The following C8orf88 variants were observed in gnomAD, a reference collection of about 807,000 sequenced individuals.
The protein encoded by C8orf88 is chromosome 8 open reading frame 88.
C8orf88 carries 14 observed loss-of-function variants against 18.4 expected under a neutral mutation model. The observed-to-expected ratio is 0.76, with a 90% CI of 0.50 to 1.19. C8orf88 has a LOEUF of 1.19. C8orf88 is among the 50% of genes most tolerant of loss of function. The probability of loss-of-function intolerance (pLI) is 0.00; values close to 1 mark genes in which losing one functional copy is unlikely to be tolerated. For missense variants in C8orf88, 116 were observed against 134.7 expected (o/e 0.86, Z 0.69); for synonymous variants, 45 against 42.9 (o/e 1.05, Z -0.19).
intron 4 of C8orf88, among the ~76,000 whole-genome samples, chr8:90,964,135 T>C (rs1811163456): frequency 6.6e-6 from 1 of 151,644 alleles, no homozygotes; most frequent in African/African-American, 2.4e-5. Context: ...CAACATATTA[T>C]ATTTTCAACT....
intron 1 of C8orf88, 51 bp downstream of exon 1, chr8:90,985,063 C>G (rs1288351173): frequency 6.6e-6 from 1 of 152,256 alleles, no homozygotes; most frequent in African/African-American, 2.4e-5. Context: ...CTCCACACCA[C>G]GGGGCCCGAC....
At chr8:90,960,331 T>C (rs1343979817) in intron 5 of C8orf88, among the ~76,000 whole-genome samples, 1 of 151,460 alleles carries the variant, frequency 6.6e-6, no homozygotes, top group African/African-American at 2.4e-5. Flanking sequence ...CATGCATACA[T>C]TGCCACAAAG....
At chr8:90,960,891 G>T (rs1317163868) in intron 4 of C8orf88, 43 bp from the exon 5 acceptor site, 3 of 1,162,688 alleles carry the variant, frequency 2.6e-6, no homozygotes, top group Non-Finnish European at 3.7e-6. Flanking sequence ...GAAATGTAGG[G>T]CTGTCTAGAT....
rs186430660 is a variant in C8orf88 at position 90,975,653 on chromosome 8, C to A, written c.147+2926G>T. 4.6e-5 allele frequency among the ~76,000 whole-genome samples: 7 copies of A among 152,074 alleles called. No individual in the cohort carries two copies. The East Asian group carries it at 1.4e-3, about 29-fold the overall frequency. Reference sequence around the variant, plus strand: ...AAAAGATTGACCATTCTAATGTTGGCAAGGCTGTGAAGCATCTGGAGCTCC... The same window carrying A: ...AAAAGATTGACCATTCTAATGTTGGAAAGGCTGTGAAGCATCTGGAGCTCC... On this transcript the variant is annotated intron_variant, in intron 3 of 5. Coordinates refer to ENST00000517562, the MANE Select transcript of C8orf88 (RefSeq NM_001190972.2).
intron 4 of C8orf88, among the ~76,000 whole-genome samples, chr8:90,964,429 TC>T (rs1811166924): frequency 6.6e-6 from 1 of 151,676 alleles, no homozygotes; most frequent in Non-Finnish European, 1.5e-5. Context: ...AAAAGCTCCT[TC>T]AAAAATGAAG....
rs190524375 is a variant in C8orf88 at position 90,965,135 on chromosome 8, C to T, written c.224-4287G>A. Among the ~76,000 whole-genome samples, 357 of 151,654 alleles carry T rather than the reference C, an allele frequency of 2.4e-3. 2 individuals are homozygous for T. The highest frequency in any genetic ancestry group is 0.01 in the Middle Eastern group (3 of 288). On this transcript the variant is annotated intron_variant, in intron 4 of 5. Transcript: ENST00000517562. ...CTAATTATATTCTGTCTACAAGAGA[C>T]TCATTTTGGATCCAATGACAAAAAT...
chr8:90,985,220 T>C lies in C8orf88; in HGVS notation c.-133A>G, dbSNP rs1811489726. The C allele has an allele frequency of 6.9e-6, 1 of 144,116 alleles. No individual in the cohort carries two copies. The highest frequency in any genetic ancestry group is 1.5e-5 in the Non-Finnish European group (1 of 66,018). 8.9% of individuals were successfully genotyped at this position (144,116 alleles called of 1,614,324 possible). A position where few individuals can be genotyped will look rare whatever the true frequency, so the allele number is the denominator to read the frequency against. On this transcript the variant is annotated 5_prime_UTR_variant, in exon 1 of 6. Coordinates refer to ENST00000517562, the MANE Select transcript of C8orf88 (RefSeq NM_001190972.2). ...GTCGGGGAACGGCTCCTGCCGCTGG[T>C]CCGCTGGCTGACCGCGGTGGCGGCG...
intron 5 of C8orf88, among the ~76,000 whole-genome samples, chr8:90,959,746 G>A (rs6987301): frequency 0.1 from 15,108 of 151,246 alleles, 2,078 homozygotes; most frequent in African/African-American, 0.31. Flanking sequence ...GAAGGTAGTA[G>A]TGTTTATCTC....
chr8:90,983,488 A>G (rs74371715), intron 1 of C8orf88, among the ~76,000 whole-genome samples: 1,958 of 152,290 alleles, frequency 0.013, 21 homozygotes, highest in Non-Finnish European at 0.02. Context: ...AATTTACCTA[A>G]GTATGAATCT....
intron 4 of C8orf88, among the ~76,000 whole-genome samples, chr8:90,965,487 A>C (rs1811180970): frequency 6.6e-6 from 1 of 151,730 alleles, no homozygotes; most frequent in Non-Finnish European, 1.5e-5. Flanking sequence ...ACAGAATATG[A>C]ACACCACAAC....
At position 90,982,227 on chromosome 8, in the gene C8orf88, GA is replaced by G. The variant is rs563679826; in HGVS notation, c.-26-1767del. On this transcript the variant is annotated intron_variant, in intron 1 of 5. Coordinates refer to ENST00000517562, the MANE Select transcript of C8orf88 (RefSeq NM_001190972.2). Reference sequence around the variant, plus strand: ...GCAATACAATTGGATATAACAAGATGAAAAAAAAGTTATAAGCACAAATAGA... The same window carrying G: ...GCAATACAATTGGATATAACAAGATGAAAAAAAGTTATAAGCACAAATAGA... 1.2e-3 allele frequency among the ~76,000 whole-genome samples: 177 copies of G among 151,450 alleles called. 1 individual carries two copies. Among genetic ancestry groups the G allele is most frequent in the Non-Finnish European group, 1.2e-3 (80 of 67,776 alleles).
intron 1 of C8orf88, among the ~76,000 whole-genome samples, chr8:90,982,203 C>T (rs1166260723): frequency 4.0e-5 from 6 of 151,258 alleles, no homozygotes; most frequent in South Asian, 4.2e-4. Context: ...ACTTTTTGTG[C>T]AATACAATTG....
At chr8:90,974,394 A>T (rs1586164159) in intron 3 of C8orf88, among the ~76,000 whole-genome samples, 1 of 152,240 alleles carries the variant, frequency 6.6e-6, no homozygotes, top group East Asian at 1.9e-4. Flanking sequence ...GTACCAGCTG[A>T]GCTCCAAGCC....
chr8:90,960,887 T>C (rs1280082965), intron 4 of C8orf88, 39 bp from the exon 5 acceptor site: 8 of 1,173,566 alleles, frequency 6.8e-6, no homozygotes, highest in Non-Finnish European at 9.7e-6. Flanking sequence ...TTAGGAAATG[T>C]AGGGCTGTCT....
intron 4 of C8orf88, among the ~76,000 whole-genome samples, chr8:90,966,383 T>C (rs1167559335): frequency 6.9e-6 from 1 of 144,964 alleles, no homozygotes; most frequent in Admixed American, 6.9e-5. Flanking sequence ...GGGATAGCAT[T>C]GGGAGATATA....
At chr8:90,975,139 A>G (rs1811329231) in intron 3 of C8orf88, among the ~76,000 whole-genome samples, 1 of 152,190 alleles carries the variant, frequency 6.6e-6, no homozygotes, top group Non-Finnish European at 1.5e-5. Flanking sequence ...TAATCTATAA[A>G]TTCAATCAAA....
At chr8:90,969,268 T>C (rs1034919791) in intron 4 of C8orf88, among the ~76,000 whole-genome samples, 1 of 151,778 alleles carries the variant, frequency 6.6e-6, no homozygotes, top group Non-Finnish European at 1.5e-5. Context: ...ATCCACACAA[T>C]GGAATATTAT....
chr8:90,968,873 G>GA (rs1156428453), intron 4 of C8orf88, among the ~76,000 whole-genome samples: 5 of 150,488 alleles, frequency 3.3e-5, no homozygotes, highest in Non-Finnish European at 5.9e-5. Flanking sequence ...ACAAGCACAC[G>GA]AAAAAACAGT....
At position 90,985,130 on chromosome 8, in the gene C8orf88, G is replaced by C. The variant is rs979617093; in HGVS notation, c.-43C>G. 2 of 152,096 alleles carry C rather than the reference G, an allele frequency of 1.3e-5. No homozygotes were observed. Among genetic ancestry groups the C allele is most frequent in the African/African-American group, 4.8e-5 (2 of 41,434 alleles). 9.4% of individuals were successfully genotyped at this position (152,096 alleles called of 1,614,324 possible). On this transcript the variant is annotated 5_prime_UTR_variant, in exon 1 of 6. Transcript: ENST00000517562. ...GCCACTTACCGACTCAAAATCCACG[G>C]GGATTTCGGGGCAGCAGCGTCGCCG...
Sources: allele counts gnomAD v4.1 joint callset (sites outside exome capture counted in the v4.1 genomes callset), GRCh38; gene constraint gnomAD v4.1.1; transcripts MANE v1.5; gene names NCBI Gene and HGNC (gene_info 2026-07-23, HGNC 2026-07-21).